The following OAS3 variants were observed in gnomAD, a reference collection of about 807,000 sequenced individuals.
OAS3 encodes 2'-5'-oligoadenylate synthase 3.
A neutral mutation model predicts 113.0 loss-of-function variants in OAS3; 107 were observed. That is an observed-to-expected ratio of 0.95 (90% CI 0.81 to 1.11). The LOEUF is 1.11. Among genes scored for constraint, OAS3 ranks in the 50% most tolerant of loss-of-function variants. The pLI is 0.00. For synonymous variants in OAS3, 552 were observed against 573.6 expected (o/e 0.96, Z 0.54); for missense variants, 1,258 against 1,389.1 (o/e 0.91, Z 1.50).
chr12:112,955,283 T>G (rs977605741), intron 7 of OAS3, among the ~76,000 whole-genome samples: 1 of 152,224 alleles, frequency 6.6e-6, no homozygotes, highest in Admixed American at 6.5e-5. Flanking sequence ...ACAATTTGAC[T>G]TCCTCGTTTC....
At chr12:112,959,342 A>AC (rs1468319877) in intron 7 of OAS3, among the ~76,000 whole-genome samples, 5 of 152,076 alleles carry the variant, frequency 3.3e-5, no homozygotes, top group African/African-American at 1.2e-4. Flanking sequence ...CGTGGGTTGT[A>AC]CCCACTGTCC....
At chr12:112,951,089 A>G in intron 7 of OAS3, 114 bp downstream of exon 7, 1 of 1,072,402 alleles carries the variant, frequency 9.3e-7, no homozygotes. Flanking sequence ...CCAAGCATTG[A>G]AAACTACTTT....
In OAS3 at chr12:112,967,441, C is replaced by T; in HGVS notation, c.2713C>T (p.Pro905Ser). 6.2e-7 allele frequency: 1 copy of T among 1,612,960 alleles called. No homozygotes were observed. Among genetic ancestry groups the T allele is most frequent in the Non-Finnish European group, 8.5e-7 (1 of 1,179,504 alleles). ...ALGQLVSGSR[P>S]SSQVYVDLIH... ...AGGCCAGCTGGTCTCTGGCTCCAGG[C>T]CCAGCTCTCAAGTCTACGTCGACCT... is the stretch of plus-strand genomic sequence containing the variant. The change falls in exon 13 of 16, where the codon CCC becomes TCC. Residue 905 changes from proline to serine, a missense_variant. By Grantham distance (74) the Pro-to-Ser change is moderately conservative (BLOSUM62 -1). Coordinates refer to ENST00000228928, the MANE Select transcript of OAS3 (RefSeq NM_006187.4).
chr12:112,946,752 C>A lies in OAS3; in HGVS notation c.646C>A (p.Gln216Lys), dbSNP rs1482528703. ...VKHWYHQVCLQGLWKETLPPV... is the reference protein window; with the variant it reads ...VKHWYHQVCLKGLWKETLPPV... Reference sequence around the variant, plus strand: ...CGATGCCCTCTCACAGGTGTGCCTACAGGGGTTGTGGAAGGAGACGCTGCC... The same window carrying A: ...CGATGCCCTCTCACAGGTGTGCCTAAAGGGGTTGTGGAAGGAGACGCTGCC... Residue 216 changes from glutamine (Q) to lysine (K), a missense_variant, in exon 4 of 16, where the codon CAG becomes AAG. Physicochemically the swap from Gln to Lys is moderately conservative, Grantham distance 53. Transcript: ENST00000228928. 8 of 1,609,636 alleles carry A rather than the reference C, an allele frequency of 5.0e-6. No individual in the cohort carries two copies.
At chr12:112,960,737 C>T (rs2043875375) in intron 7 of OAS3, among the ~76,000 whole-genome samples, 1 of 152,128 alleles carries the variant, frequency 6.6e-6, no homozygotes, top group Non-Finnish European at 1.5e-5. Flanking sequence ...CTCCAAAGCT[C>T]ACTCCTTTAA....
At position 112,949,036 on chromosome 12, in the gene OAS3, C is replaced by A. The variant is rs562814047; in HGVS notation, c.1205C>A (p.Pro402Gln). ...GCAGCCAGCATCGTCCCCTCTGTGC[C>A]GGGAATGGCCTTGGACCTGTCTCAG... ...TGAASIVPSV[P>Q]GMALDLSQIP... The change falls in exon 6 of 16, where the codon CCG becomes CAG. Residue 402 changes from proline to glutamine, a missense_variant. Pro to Gln is a moderately conservative substitution (Grantham distance 76). Transcript: ENST00000228928. The A allele has an allele frequency of 1.2e-6, 2 of 1,614,032 alleles. No individual in the cohort carries two copies. Among genetic ancestry groups the A allele is most frequent in the Non-Finnish European group, 1.7e-6 (2 of 1,179,900 alleles).
chr12:112,968,015 A>G lies in OAS3; in HGVS notation c.2945A>G (p.Gln982Arg). 1.9e-6 allele frequency: 3 copies of G among 1,614,022 alleles called. No homozygotes were observed. The highest frequency in any genetic ancestry group is 2.5e-6 in the Non-Finnish European group (3 of 1,179,888). The change falls in exon 14 of 16, where the codon CAG becomes CGG. Residue 982 changes from glutamine (Q) to arginine (R), a missense_variant. Coordinates refer to ENST00000228928, the MANE Select transcript of OAS3 (RefSeq NM_006187.4). ...LELLTVYAWE[Q>R]GGKDSQFNMA... is the part of the protein sequence containing the mutation. ...CTCCTGACTGTGTATGCCTGGGAGCAGGGCGGGAAGGACTCCCAGTTCAAC... is the reference window on the plus strand; with the variant it reads ...CTCCTGACTGTGTATGCCTGGGAGCGGGGCGGGAAGGACTCCCAGTTCAAC...
intron 11 of OAS3, among the ~76,000 whole-genome samples, chr12:112,965,229 C>T (rs2043923334): frequency 6.6e-6 from 1 of 152,234 alleles, no homozygotes; most frequent in Admixed American, 6.5e-5. Flanking sequence ...CATGTACCTT[C>T]CCCTCTCTGA....
chr12:112,940,772 G>C (rs1042546991), intron 1 of OAS3, among the ~76,000 whole-genome samples: 2 of 152,216 alleles, frequency 1.3e-5, no homozygotes, highest in African/African-American at 4.8e-5. Flanking sequence ...GGAGGCCAAC[G>C]AGGGCAGATC....
chr12:112,959,127 C>T (rs963628886), intron 7 of OAS3, among the ~76,000 whole-genome samples: 1 of 152,180 alleles, frequency 6.6e-6, no homozygotes, highest in Non-Finnish European at 1.5e-5. Context: ...GCTCCGTGGG[C>T]GTGTGACCCT....
In OAS3 at chr12:112,964,355, T is replaced by A. The variant is rs776865017; in HGVS notation, c.2350T>A (p.Leu784Met). The change falls in exon 11 of 16, where the codon TTG becomes ATG. Residue 784 changes from leucine to methionine, a missense_variant. By Grantham distance (15) the Leu-to-Met change is conservative. Transcript: ENST00000228928. Reference protein sequence around the residue: ...NKAVDTICSFLKENCFRNSPI... With the variant: ...NKAVDTICSFMKENCFRNSPI... ...GGCCGTTGATACCATCTGTTCATTT[T>A]TGAAGGAAAACTGCTTCCGGAATTC... 5.0e-6 allele frequency: 8 copies of A among 1,612,420 alleles called. No homozygotes were observed. The highest frequency in any genetic ancestry group is 1.7e-5 in the Admixed American group (1 of 59,840).
intron 12 of OAS3, 29 bp from the exon 13 acceptor site, chr12:112,967,389 A>G: frequency 6.3e-7 from 1 of 1,592,436 alleles, no homozygotes; most frequent in South Asian, 1.1e-5. Flanking sequence ...TGGGAGCCGG[A>G]GTGATGGTAA....
intron 12 of OAS3, among the ~76,000 whole-genome samples, chr12:112,966,909 G>T (rs2043939222): frequency 6.6e-6 from 1 of 152,188 alleles, no homozygotes; most frequent in Non-Finnish European, 1.5e-5. Context: ...CTTCGAGAGT[G>T]CTGGGATTAC....
intron 14 of OAS3, 93 bp from the exon 15 acceptor site, chr12:112,969,515 T>C: frequency 4.2e-6 from 6 of 1,433,080 alleles, no homozygotes; most frequent in Non-Finnish European, 5.8e-6. Flanking sequence ...CCCTGCAAAG[T>C]GTTAGATAAA....
intron 7 of OAS3, 97 bp downstream of exon 7, chr12:112,951,072 T>C (rs1371948783): frequency 7.7e-7 from 1 of 1,293,418 alleles, no homozygotes; most frequent in East Asian, 2.4e-5. Context: ...CTAATTCTCC[T>C]ACTTGACCAA....
Position 112,938,722 on chromosome 12 carries a change from C to G in OAS3, c.177+15C>G. 1 of 1,502,634 alleles carries G rather than the reference C, an allele frequency of 6.7e-7. No homozygotes were observed. Among genetic ancestry groups the G allele is most frequent in the South Asian group, 1.2e-5 (1 of 80,758 alleles). 93.1% of individuals were successfully genotyped at this position (1,502,634 alleles called of 1,614,324 possible). On this transcript the variant is annotated intron_variant, in intron 1 of 15. Transcript: ENST00000228928. ...AAACTGTCAAGGTGAGGTCCCACCT[C>G]GGGGTCTTTATGTGTCCAAAGGGGA...
Position 112,963,237 on chromosome 12 carries a change from C to T in OAS3, c.2085-76C>T. 7 of 1,449,750 alleles carry T rather than the reference C, an allele frequency of 4.8e-6. No individual in the cohort carries two copies. The highest frequency in any genetic ancestry group is 6.4e-6 in the Non-Finnish European group (7 of 1,085,874). The allele number at this position is 1,449,750 out of a possible 1,614,324, so 89.8% of individuals were successfully genotyped here. On this transcript the variant is annotated intron_variant, in intron 9 of 15. Transcript: ENST00000228928. This position sits in a 1 kb window ranked among gnomAD's most constrained non-coding sequence, Gnocchi z 4.6. ...TGACACTCTTTCCAGCCCTCACGCC[C>T]CTTTTCAGCCCTTCCACCCGCCTCC...
intron 7 of OAS3, among the ~76,000 whole-genome samples, chr12:112,959,928 A>G (rs1418680214): frequency 6.6e-6 from 1 of 152,096 alleles, no homozygotes; most frequent in Non-Finnish European, 1.5e-5. Context: ...GTCTTCAATA[A>G]TTTCCAACAT....
rs1362754805 is a variant in OAS3, at chr12:112,949,127, G to C, written c.1296G>C (p.Glu432Asp). The C allele has an allele frequency of 2.5e-6, 4 of 1,613,992 alleles. No individual in the cohort carries two copies. The highest frequency in any genetic ancestry group is 2.5e-6 in the Non-Finnish European group (3 of 1,179,898). ...DHLKPSPQFQEQVKKAIDIIL... is the reference protein window; with the variant it reads ...DHLKPSPQFQDQVKKAIDIIL... ...TGAAGCCGAGCCCCCAGTTCCAGGA[G>C]CAGGTGAAAAAGGCCATTGACATCA... The change falls in exon 6 of 16, where the codon GAG becomes GAC. Residue 432 changes from glutamate to aspartate, a missense_variant. By Grantham distance (45) the Glu-to-Asp change is conservative. Coordinates refer to ENST00000228928, the MANE Select transcript of OAS3 (RefSeq NM_006187.4).
Sources: gnomAD v4.1 joint callset for allele counts (sites outside exome capture counted in the v4.1 genomes callset) on GRCh38, gnomAD v4.1.1 for gene constraint, Gnocchi (gnomAD v3.1) non-coding constraint, MANE v1.5 for transcripts, NCBI Gene and HGNC (gene_info 2026-07-23, HGNC 2026-07-21) for gene names.